The following VPS41 variants were observed in gnomAD, a reference collection of about 807,000 sequenced individuals.
VPS41 encodes the protein VPS41 subunit of HOPS complex, also known as vacuolar protein sorting-associated protein 41 homolog.
In VPS41, 85 loss-of-function variants were observed where a neutral mutation model predicts 130.9. That is an observed-to-expected ratio of 0.65 (90% CI 0.55 to 0.78). The LOEUF is 0.78. Ranked by LOEUF, VPS41 falls within the 30% of genes least tolerant of loss-of-function variation. VPS41 has a pLI of 0.00. For synonymous variants in VPS41, 335 were observed against 332.9 expected, an observed-to-expected ratio of 1.01 and a Z score of -0.07; for missense variants, 874 against 1,018.7, an observed-to-expected ratio of 0.86 and a Z score of 1.93.
chr7:38,887,119 C>T (rs983087398), intron 2 of VPS41, among the ~76,000 whole-genome samples: 1 of 152,210 alleles, frequency 6.6e-6, no homozygotes, highest in African/African-American at 2.4e-5. Flanking sequence ...AACACCTCTT[C>T]TCCTCCAAAG....
chr7:38,799,472 A>G (rs1784684050), intron 7 of VPS41, among the ~76,000 whole-genome samples: 1 of 152,174 alleles, frequency 6.6e-6, no homozygotes, highest in South Asian at 2.1e-4. Context: ...AAAAAAAAGG[A>G]AAATCTAGAT....
intron 5 of VPS41, among the ~76,000 whole-genome samples, chr7:38,822,948 T>C (rs1410164218): frequency 2.0e-5 from 3 of 152,194 alleles, no homozygotes; most frequent in East Asian, 3.8e-4. Context: ...TTCCCAACAT[T>C]GGAATGTGTT....
intron 9 of VPS41, among the ~76,000 whole-genome samples, chr7:38,791,355 G>C (rs1442166044): frequency 6.6e-6 from 1 of 152,190 alleles, no homozygotes; most frequent in African/African-American, 2.4e-5. Context: ...CAAATGGTTT[G>C]AAGTATAATA....
intron 3 of VPS41, among the ~76,000 whole-genome samples, chr7:38,868,048 G>A (rs527995566): frequency 1.3e-5 from 2 of 152,334 alleles, no homozygotes; most frequent in South Asian, 4.1e-4. Context: ...AGGGTCAACA[G>A]AGAGTGTCAC....
rs552134201 is a variant in VPS41 at position 38,763,179 on chromosome 7, G to GT, written c.1422+275dup. Among the ~76,000 whole-genome samples the GT allele has an allele frequency of 1.2e-3, 178 of 152,238 alleles. 2 individuals carry two copies. The highest frequency in any genetic ancestry group is 4.1e-3 in the African/African-American group (169 of 41,564). On this transcript the variant is annotated intron_variant, in intron 17 of 28. Transcript: ENST00000310301. The stretch of plus-strand genomic sequence containing the variant: ...CAAAGATGGAATAGCAGCTGCTATT[G>GT]TATTTATGAAATCTACAAAATAGCA...
intron 4 of VPS41, among the ~76,000 whole-genome samples, chr7:38,853,397 C>T (rs187282122): frequency 4.6e-4 from 55 of 118,490 alleles, no homozygotes; most frequent in African/African-American, 1.6e-3. Flanking sequence ...CCAGCCTGGG[C>T]GACAGAGCGA....
intron 5 of VPS41, among the ~76,000 whole-genome samples, chr7:38,827,621 G>T (rs1458382828): frequency 2.0e-5 from 3 of 152,138 alleles, no homozygotes; most frequent in Non-Finnish European, 4.4e-5. Context: ...ATGGGGAGAG[G>T]GAGGCACTGC....
rs376224597 is a variant in VPS41, at chr7:38,844,024, C to T, written c.247-13696G>A. Among the ~76,000 whole-genome samples the T allele has an allele frequency of 9.8e-5, 15 of 152,296 alleles. No homozygotes were observed. In the East Asian group the frequency reaches 1.3e-3, roughly 14 times the overall value. ...CCTCTATTTATATGTATAAGCAATG[C>T]TGCTTTCTAAGCGAAAGGTATTTAT... On this transcript the variant is annotated intron_variant, in intron 4 of 28. Transcript: ENST00000310301.
chr7:38,814,344 G>A (rs6462868), intron 7 of VPS41, among the ~76,000 whole-genome samples: 90,787 of 152,042 alleles, frequency 0.6, 27,825 homozygotes, highest in East Asian at 0.89. Context: ...TAAACTTCAC[G>A]AATACACTGA....
At chr7:38,764,291 G>A (rs1056582545) in intron 16 of VPS41, among the ~76,000 whole-genome samples, 2 of 152,198 alleles carry the variant, frequency 1.3e-5, no homozygotes, top group Non-Finnish European at 2.9e-5. Flanking sequence ...ATCTGGCAGG[G>A]GGAATAGCAT....
chr7:38,765,121 T>A (rs150455989), intron 16 of VPS41, among the ~76,000 whole-genome samples: 2 of 152,348 alleles, frequency 1.3e-5, no homozygotes, highest in South Asian at 4.1e-4. Context: ...TAGGATGTTG[T>A]GCACTAAGTT....
intron 23 of VPS41, among the ~76,000 whole-genome samples, chr7:38,744,695 T>C (rs769675674): frequency 4.6e-5 from 7 of 152,178 alleles, no homozygotes; most frequent in Non-Finnish European, 1.0e-4. Flanking sequence ...AGGAACATGC[T>C]GAAGTAACAA....
chr7:38,901,813 C>T (rs116046480), intron 1 of VPS41, among the ~76,000 whole-genome samples: 2,828 of 152,168 alleles, frequency 0.019, 94 homozygotes, highest in African/African-American at 0.064. Context: ...AAGAGGATTG[C>T]TTAAGGCCAG....
chr7:38,902,507 G>T (rs1210175641), intron 1 of VPS41, among the ~76,000 whole-genome samples: 5 of 151,928 alleles, frequency 3.3e-5, no homozygotes, highest in Non-Finnish European at 7.4e-5. Flanking sequence ...CTGTACTCCT[G>T]ACTGTATGTC....
chr7:38,796,004 T>A (rs1784611311), intron 8 of VPS41, among the ~76,000 whole-genome samples: 1 of 152,222 alleles, frequency 6.6e-6, no homozygotes, highest in Admixed American at 6.5e-5. Flanking sequence ...TAAAGAAAAC[T>A]ACATCTGACA....
intron 4 of VPS41, among the ~76,000 whole-genome samples, chr7:38,856,821 G>A (rs895469080): frequency 6.6e-6 from 1 of 152,150 alleles, no homozygotes; most frequent in Non-Finnish European, 1.5e-5. Flanking sequence ...TCACAGAAGT[G>A]TATTCTAGAG....
At chr7:38,863,893 G>A (rs1357824029) in intron 3 of VPS41, among the ~76,000 whole-genome samples, 2 of 152,082 alleles carry the variant, frequency 1.3e-5, no homozygotes, top group African/African-American at 4.8e-5. Context: ...AATTCTGGGG[G>A]GAAATTAGTC....
intron 23 of VPS41, 39 bp from the exon 24 acceptor site, chr7:38,743,581 G>A (rs1174166104): frequency 1.9e-6 from 3 of 1,592,546 alleles, no homozygotes; most frequent in Non-Finnish European, 1.7e-6. Flanking sequence ...TTCATTTAAG[G>A]TATTTTAATA....
Position 38,728,688 on chromosome 7 carries a change from C to G in VPS41, c.2359+4G>C. 3 of 1,613,962 alleles carry G rather than the reference C, an allele frequency of 1.9e-6. No individual in the cohort carries two copies. The highest frequency in any genetic ancestry group is 2.5e-6 in the Non-Finnish European group (3 of 1,179,948). On this transcript the variant is annotated splice_donor_region_variant and intron_variant, in intron 26 of 28. Transcript: ENST00000310301. ...TTCCATATGATTATTTCAATTTTAC[C>G]CACCATCAACAAGAACACCTTTCAT... is the stretch of plus-strand genomic sequence containing the variant.
Sources: gnomAD v4.1 joint callset for allele counts (sites outside exome capture counted in the v4.1 genomes callset) on GRCh38, gnomAD v4.1.1 for gene constraint, MANE v1.5 for transcripts, NCBI Gene and HGNC (gene_info 2026-07-23, HGNC 2026-07-21) for gene names.